Variants in SMAGP observed in about 807,000 individuals in gnomAD.
The protein encoded by SMAGP is small cell adhesion glycoprotein.
Under a neutral mutation model 10.1 loss-of-function variants are expected in SMAGP, and 7 were observed. The observed-to-expected ratio is 0.70, with a 90% CI of 0.40 to 1.31. The LOEUF (loss-of-function observed/expected upper bound fraction) is 1.31, where lower values mean the gene tolerates loss of function less well. Ranked by LOEUF, SMAGP falls within the 50% of genes most tolerant of loss-of-function variation. The probability of loss-of-function intolerance (pLI) is 0.01; values close to 1 mark genes in which losing one functional copy is unlikely to be tolerated. For synonymous variants in SMAGP, 49 were observed against 47.2 expected, an observed-to-expected ratio of 1.04 and a Z score of -0.16; for missense variants, 113 against 116.5, an observed-to-expected ratio of 0.97 and a Z score of 0.14.
intron 2 of SMAGP, among the ~76,000 whole-genome samples, 172 bp from the exon 3 acceptor site, chr12:51,247,003 C>G (rs185054453): frequency 1.3e-5 from 2 of 152,198 alleles, no homozygotes; most frequent in Admixed American, 1.3e-4. Context: ...AGAAAATAAA[C>G]CACCACCCAA....
At chr12:51,265,518 CAAT>C (rs1944966064) in intron 2 of SMAGP, among the ~76,000 whole-genome samples, 1 of 152,272 alleles carries the variant, frequency 6.6e-6, no homozygotes, top group African/African-American at 2.4e-5. Flanking sequence ...ACACATACAA[CAAT>C]ATTATTCAGC....
At chr12:51,260,908 G>A (rs972295195) in intron 2 of SMAGP, among the ~76,000 whole-genome samples, 3 of 149,416 alleles carry the variant, frequency 2.0e-5, no homozygotes, top group Admixed American at 6.7e-5. Context: ...GGATGGTCTC[G>A]ATCTCCTGAC....
At chr12:51,254,574 A>G (rs1183972942) in intron 2 of SMAGP, among the ~76,000 whole-genome samples, 1 of 152,154 alleles carries the variant, frequency 6.6e-6, no homozygotes, top group African/African-American at 2.4e-5. Context: ...AAATAATTAA[A>G]TAAGTAAAAG....
chr12:51,267,659 A>G (rs1284149507), intron 2 of SMAGP, among the ~76,000 whole-genome samples: 4 of 151,864 alleles, frequency 2.6e-5, no homozygotes, highest in Non-Finnish European at 2.9e-5. Context: ...AAGCCCGGCT[A>G]ATTTTTAAAT....
Position 51,260,072 on chromosome 12 carries a change from A to G in SMAGP, c.34+9173T>C, listed in dbSNP as rs554115817. On this transcript the variant is annotated intron_variant, in intron 2 of 3. Coordinates refer to ENST00000603798, the MANE Select transcript of SMAGP (RefSeq NM_001031628.2). Reference sequence around the variant, plus strand: ...CTCACAATGATAAAGAATTACTTTTATAATCATAAAAAATTAAAGATTGCT... The same window carrying G: ...CTCACAATGATAAAGAATTACTTTTGTAATCATAAAAAATTAAAGATTGCT... Among the ~76,000 whole-genome samples the G allele has an allele frequency of 2.0e-5, 3 of 152,312 alleles. No homozygotes were observed. The South Asian group carries it at 6.2e-4, about 32-fold the overall frequency.
At chr12:51,246,470 C>T (rs1944770866) in intron 3 of SMAGP, 1 of 431,782 alleles carries the variant, frequency 2.3e-6, no homozygotes, top group Non-Finnish European at 4.1e-6. Flanking sequence ...CTCACCCACT[C>T]AACCAACCAC....
Position 51,244,999 on chromosome 12 carries a change from A to AGCTATTTTTTTTT in SMAGP, c.*941_*942insAAAAAAAAATAGC, listed in dbSNP as rs1944747478. On this transcript the variant is annotated 3_prime_UTR_variant, in exon 4 of 4. Transcript: ENST00000603798. ...GCCACCACGCCCAGCTATTTTTTTT[A>AGCTATTTTTTTTT]TATATTTTTAGTAGAGACGGGGTTT... 1 of 150,504 alleles carries AGCTATTTTTTTTT rather than the reference A, an allele frequency of 6.6e-6. No homozygotes were observed. The highest frequency in any genetic ancestry group is 2.1e-4 in the South Asian group (1 of 4,790). 9.3% of individuals were successfully genotyped at this position (150,504 alleles called of 1,614,324 possible). A position where few individuals can be genotyped will look rare whatever the true frequency, so the allele number is the denominator to read the frequency against.
chr12:51,248,869 T>C (rs955438150), intron 2 of SMAGP, among the ~76,000 whole-genome samples: 3 of 123,834 alleles, frequency 2.4e-5, no homozygotes, highest in Admixed American at 1.0e-4. Flanking sequence ...CTGGGAAACA[T>C]GGCGAAATCC....
rs558851900 is a variant in SMAGP, at chr12:51,245,240, T to C, written c.*701A>G. Reference sequence around the variant, plus strand: ...TTCTAGAACTTTCCTAGGGTTCTTATTGCTTGGAAGAGAACATATGTAAAG... The same window carrying C: ...TTCTAGAACTTTCCTAGGGTTCTTACTGCTTGGAAGAGAACATATGTAAAG... On this transcript the variant is annotated 3_prime_UTR_variant, in exon 4 of 4. Coordinates refer to ENST00000603798, the MANE Select transcript of SMAGP (RefSeq NM_001031628.2). 2 of 152,310 alleles carry C rather than the reference T, an allele frequency of 1.3e-5. No homozygotes were observed. The highest frequency in any genetic ancestry group is 2.1e-4 in the South Asian group (1 of 4,824). The allele number at this position is 152,310 out of a possible 1,614,324, so 9.4% of individuals were successfully genotyped here. A position where few individuals can be genotyped will look rare whatever the true frequency, so the allele number is the denominator to read the frequency against.
intron 1 of SMAGP, 186 bp downstream of exon 1, chr12:51,270,070 G>A (rs1233376100): frequency 1.3e-5 from 2 of 151,624 alleles, no homozygotes; most frequent in Non-Finnish European, 2.9e-5. Context: ...AGCACCCCGC[G>A]GAGCGCGCTG....
intron 2 of SMAGP, among the ~76,000 whole-genome samples, chr12:51,264,943 A>T (rs991714714): frequency 6.6e-6 from 1 of 151,700 alleles, no homozygotes; most frequent in African/African-American, 2.4e-5. Context: ...AGAAAAAAAA[A>T]AAAAAAAAGA....
At chr12:51,261,657 A>G (rs1944933643) in intron 2 of SMAGP, among the ~76,000 whole-genome samples, 1 of 152,178 alleles carries the variant, frequency 6.6e-6, no homozygotes, top group South Asian at 2.1e-4. Flanking sequence ...GAACTAGCTG[A>G]GCATCAGAAC....
intron 2 of SMAGP, among the ~76,000 whole-genome samples, chr12:51,254,948 A>G (rs1944872811): frequency 6.6e-6 from 1 of 152,244 alleles, no homozygotes; most frequent in African/African-American, 2.4e-5. Flanking sequence ...CAGGCCTTGT[A>G]GGCCAAGGTA....
At chr12:51,256,741 C>CAAA (rs10660612) in intron 2 of SMAGP, among the ~76,000 whole-genome samples, 144 of 145,810 alleles carry the variant, frequency 9.9e-4, no homozygotes, top group South Asian at 1.9e-3. Context: ...AACAAACAAA[C>CAAA]AAAAAAAACA....
At chr12:51,257,272 G>C (rs965645518) in intron 2 of SMAGP, among the ~76,000 whole-genome samples, 2 of 152,296 alleles carry the variant, frequency 1.3e-5, no homozygotes. Context: ...AGGGGCTGGG[G>C]GGCTGGCTGC....
At position 51,246,036 on chromosome 12, in the gene SMAGP, C is replaced by T. The variant is rs761700365; in HGVS notation, c.199G>A (p.Val67Ile). ...FYLYKNKGSY[V>I]TYEPTEGEPS... ...TCACCTTCTGTAGGTTCATAGGTGA[C>T]GTAGCTGCCTTTGTTCTTGTACAGG... is the stretch of plus-strand genomic sequence containing the variant. The change falls in exon 4 of 4, where the codon GTC (valine) becomes ATC (isoleucine). Residue 67 changes from valine to isoleucine, a missense_variant. Coordinates refer to ENST00000603798, the MANE Select transcript of SMAGP (RefSeq NM_001031628.2). The T allele has an allele frequency of 5.6e-6, 9 of 1,613,814 alleles. No homozygotes were observed. The highest frequency in any genetic ancestry group is 2.2e-5 in the East Asian group (1 of 44,884).
In SMAGP at chr12:51,246,006, TGGG is replaced by T. The variant is rs761717309; in HGVS notation, c.226_228del (p.Pro76del). The T allele has an allele frequency of 1.9e-5, 31 of 1,614,012 alleles. No homozygotes were observed. The highest frequency in any genetic ancestry group is 2.5e-5 in the Non-Finnish European group (29 of 1,179,882). ...TCACTCTCCATCTGGACGATGGCAC[TGGG>T]CTCACCTTCTGTAGGTTCATAGGTG... On this transcript the variant is annotated inframe_deletion, in exon 4 of 4. Transcript: ENST00000603798.
intron 2 of SMAGP, among the ~76,000 whole-genome samples, chr12:51,248,448 T>A (rs1388519089): frequency 8.7e-4 from 111 of 127,290 alleles, no homozygotes; most frequent in African/African-American, 2.5e-3. Flanking sequence ...TCTCTCTCTC[T>A]CTCTCTCTCT....
At chr12:51,266,248 T>C (rs2137311737) in intron 2 of SMAGP, among the ~76,000 whole-genome samples, 1 of 152,346 alleles carries the variant, frequency 6.6e-6, no homozygotes, top group East Asian at 1.9e-4. Flanking sequence ...CCGTTCTGAG[T>C]AGCGTGATGA....
Sources: allele counts gnomAD v4.1 joint callset (sites outside exome capture counted in the v4.1 genomes callset), GRCh38; gene constraint gnomAD v4.1.1; transcripts MANE v1.5; gene names NCBI Gene and HGNC (gene_info 2026-07-23, HGNC 2026-07-21).